The following RPN2 variants were observed in gnomAD, a reference collection of about 807,000 sequenced individuals.
RPN2 encodes the protein ribophorin II, also known as dolichyl-diphosphooligosaccharide--protein glycosyltransferase subunit 2.
A neutral mutation model predicts 71.4 loss-of-function variants in RPN2; 29 were observed. The observed-to-expected ratio is 0.41, with a 90% CI of 0.30 to 0.55. RPN2 has a LOEUF of 0.55. Among genes scored for constraint, RPN2 ranks in the 20% least tolerant of loss-of-function variants. The pLI is 0.35. For synonymous variants in RPN2, 308 were observed against 305.0 expected (o/e 1.01, Z -0.10); for missense variants, 726 against 774.1 (o/e 0.94, Z 0.74).
chr20:37,231,643 A>G (rs2068250537), intron 13 of RPN2, among the ~76,000 whole-genome samples: 3 of 151,494 alleles, frequency 2.0e-5, no homozygotes, highest in Admixed American at 1.3e-4. Context: ...GCCCAGGTGT[A>G]TGAGGTTACA....
Position 37,203,898 on chromosome 20 carries a change from C to T in RPN2, c.493C>T (p.Leu165=), listed in dbSNP as rs1189907585. Residue 165 remains leucine (L), a synonymous_variant, in exon 5 of 17, where the codon CTG becomes TTG. Transcript: ENST00000237530. The part of the protein sequence containing the change: ...EETVLATVQA[L]QTASHLSQQA... Reference sequence around the variant, plus strand: ...TTTACCTTCCAGAACAGTCCAGGCTCTGCAGACAGCATCCCACCTGTCCCA... The same window carrying T: ...TTTACCTTCCAGAACAGTCCAGGCTTTGCAGACAGCATCCCACCTGTCCCA... 2 of 1,613,726 alleles carry T rather than the reference C, an allele frequency of 1.2e-6. No homozygotes were observed. Among genetic ancestry groups the T allele is most frequent in the African/African-American group, 2.7e-5 (2 of 74,934 alleles).
At chr20:37,204,419 A>T (rs556412757) in intron 5 of RPN2, among the ~76,000 whole-genome samples, 18 of 152,192 alleles carry the variant, frequency 1.2e-4, no homozygotes, top group Non-Finnish European at 2.1e-4. Context: ...CATGGACTCC[A>T]TCTGTGTCAT....
Position 37,207,432 on chromosome 20 carries a change from G to A in RPN2, c.850G>A (p.Glu284Lys). The A allele has an allele frequency of 6.2e-7, 1 of 1,614,160 alleles. No individual in the cohort carries two copies. The highest frequency in any genetic ancestry group is 1.1e-5 in the South Asian group (1 of 91,082). Residue 284 changes from glutamate (E) to lysine (K), a missense_variant, in exon 7 of 17, where the codon GAA becomes AAA. Glu to Lys is a moderately conservative substitution (Grantham distance 56). Coordinates refer to ENST00000237530, the MANE Select transcript of RPN2 (RefSeq NM_002951.5). Reference protein sequence around the residue: ...VPEGSASDTHEQAILRLQVTN... With the variant: ...VPEGSASDTHKQAILRLQVTN... ...TGAGGGCTCTGCTTCCGACACTCAT[G>A]AACAGGCTATCTTGCGGGTAAGACA...
At chr20:37,196,709 A>G (rs115620332) in intron 2 of RPN2, among the ~76,000 whole-genome samples, 1,880 of 152,278 alleles carry the variant, frequency 0.012, 37 homozygotes, top group African/African-American at 0.043. Flanking sequence ...TATTATTACC[A>G]CATCTTTTTG....
intron 1 of RPN2, 64 bp from the exon 2 acceptor site, chr20:37,184,116 A>G (rs1157042523): frequency 1.9e-6 from 3 of 1,587,542 alleles, no homozygotes; most frequent in Non-Finnish European, 2.6e-6. Flanking sequence ...GTGCATCATC[A>G]TTGGGACTGT....
intron 9 of RPN2, among the ~76,000 whole-genome samples, chr20:37,216,020 A>G (rs1315515308): frequency 6.6e-6 from 1 of 152,154 alleles, no homozygotes. Context: ...CACAAAATTT[A>G]ATTTTAATGA....
chr20:37,221,195 CTTT>C (rs1176292055), intron 9 of RPN2, among the ~76,000 whole-genome samples: 10 of 135,216 alleles, frequency 7.4e-5, no homozygotes, highest in African/African-American at 5.5e-5. Context: ...TTACACAATT[CTTT>C]TTTTTTTTTT....
chr20:37,199,702 T>C (rs540226119), intron 4 of RPN2, among the ~76,000 whole-genome samples: 2 of 152,290 alleles, frequency 1.3e-5, no homozygotes, highest in East Asian at 3.9e-4. Flanking sequence ...TGGAGTATTC[T>C]AGGAATCAGA....
intron 14 of RPN2, among the ~76,000 whole-genome samples, 185 bp from the exon 15 acceptor site, chr20:37,233,835 A>T (rs979869341): frequency 5.9e-5 from 9 of 152,244 alleles, no homozygotes; most frequent in African/African-American, 2.2e-4. Context: ...TTCTAAAGAA[A>T]AAGGGAACAA....
chr20:37,221,291 G>T (rs952547366), intron 9 of RPN2, among the ~76,000 whole-genome samples: 1 of 151,750 alleles, frequency 6.6e-6, no homozygotes. Context: ...TGCCTCCTGG[G>T]TTCAAGCCAT....
intron 8 of RPN2, among the ~76,000 whole-genome samples, chr20:37,213,083 A>C (rs2067714239): frequency 6.6e-6 from 1 of 152,190 alleles, no homozygotes. Flanking sequence ...CATACCAAAA[A>C]ATTAGCCACA....
Position 37,211,333 on chromosome 20 carries a change from C to T in RPN2, c.986+1168C>T, listed in dbSNP as rs999599136. On this transcript the variant is annotated intron_variant, in intron 8 of 16. Coordinates refer to ENST00000237530, the MANE Select transcript of RPN2 (RefSeq NM_002951.5). ...TACAGGCGTGAGCCATTGTGCCCGG[C>T]CTTTTTTTAAATTAGAGATGGGGGC... is the stretch of plus-strand genomic sequence containing the variant. Among the ~76,000 whole-genome samples, 4 of 149,706 alleles carry T rather than the reference C, an allele frequency of 2.7e-5. 1 individual carries two copies. The highest frequency in any genetic ancestry group is 9.7e-5 in the African/African-American group (4 of 41,030).
At chr20:37,198,318 T>C (rs2067298826) in intron 2 of RPN2, 79 bp from the exon 3 acceptor site, 1 of 1,612,038 alleles carries the variant, frequency 6.2e-7, no homozygotes, top group Middle Eastern at 1.7e-4. Flanking sequence ...TGGCTGAGAA[T>C]GTTATCTAAA....
intron 4 of RPN2, among the ~76,000 whole-genome samples, chr20:37,200,157 C>T (rs2067350494): frequency 6.6e-6 from 1 of 152,004 alleles, no homozygotes; most frequent in Non-Finnish European, 1.5e-5. Flanking sequence ...CACGCCTGGC[C>T]AATTTTTGTA....
chr20:37,199,443 C>T (rs1600766231), intron 4 of RPN2, among the ~76,000 whole-genome samples: 1 of 152,242 alleles, frequency 6.6e-6, no homozygotes, highest in East Asian at 1.9e-4. Context: ...TTCTGCAAGC[C>T]TCGCAGACAG....
intron 7 of RPN2, among the ~76,000 whole-genome samples, chr20:37,208,825 G>A (rs2067583522): frequency 6.6e-6 from 1 of 152,226 alleles, no homozygotes; most frequent in Non-Finnish European, 1.5e-5. Context: ...ATGTCTAAGT[G>A]TTGGGTTTCC....
In RPN2 at chr20:37,228,564, C is replaced by G. The variant is rs763099542; in HGVS notation, c.1314C>G (p.Leu438=). ...ELTPHQTFVR[L]HNQKTGQEVV... is the part of the protein sequence containing the mutation. ...CTTCCATCTAGACATTTGTCCGACT[C>G]CATAACCAGAAGACTGGCCAGGAAG... The change falls in exon 12 of 17, where the codon CTC becomes CTG. Residue 438 remains leucine, a synonymous_variant. Coordinates refer to ENST00000237530, the MANE Select transcript of RPN2 (RefSeq NM_002951.5). 35 of 1,614,012 alleles carry G rather than the reference C, an allele frequency of 2.2e-5. 1 individual carries two copies. In the Middle Eastern group the frequency reaches 4.9e-4, roughly 23 times the overall value.
chr20:37,202,014 AGAAATTGCTGGCTG>A (rs1600772339), intron 4 of RPN2, among the ~76,000 whole-genome samples: 1 of 152,234 alleles, frequency 6.6e-6, no homozygotes, highest in East Asian at 1.9e-4. Context: ...CCAGAGAAAA[AGAAATTGCTGGCTG>A]GGGAATAAGT....
intron 12 of RPN2, chr20:37,229,721 T>C: frequency 3.7e-6 from 2 of 538,182 alleles, no homozygotes; most frequent in Non-Finnish European, 6.7e-6. Flanking sequence ...ATTTTTGTAT[T>C]AAGCAGCTCT....
Sources: gnomAD v4.1 joint callset for allele counts (sites outside exome capture counted in the v4.1 genomes callset) on GRCh38, gnomAD v4.1.1 for gene constraint, MANE v1.5 for transcripts, NCBI Gene and HGNC (gene_info 2026-07-23, HGNC 2026-07-21) for gene names.